Variants in PPM1E observed in about 807,000 individuals in gnomAD.
The protein encoded by PPM1E is protein phosphatase, Mg2+/Mn2+ dependent 1E, also known as protein phosphatase 1E.
A neutral mutation model predicts 65.9 loss-of-function variants in PPM1E; 20 were observed. The observed-to-expected ratio is 0.30, with a 90% confidence interval of 0.21 to 0.44. PPM1E has a LOEUF of 0.44. PPM1E is among the 20% of genes least tolerant of loss of function. The pLI, the probability that PPM1E is intolerant of heterozygous loss-of-function variation, is 1.00. For missense variants in PPM1E, 713 were observed against 953.1 expected, an observed-to-expected ratio of 0.75 and a Z score of 3.32; for synonymous variants, 352 against 374.9, an observed-to-expected ratio of 0.94 and a Z score of 0.70.
intron 1 of PPM1E, among the ~76,000 whole-genome samples, chr17:58,771,396 C>T (rs1229450100): frequency 1.3e-5 from 2 of 151,038 alleles, no homozygotes; most frequent in East Asian, 2.0e-4. Context: ...GAGGCCGAGG[C>T]GGGTGGATCA....
chr17:58,786,581 A>G (rs1276799958), intron 1 of PPM1E, among the ~76,000 whole-genome samples: 1 of 152,190 alleles, frequency 6.6e-6, no homozygotes, highest in Non-Finnish European at 1.5e-5. Context: ...GCAAGATTTC[A>G]TCGGGCTGCT....
chr17:58,775,737 A>AC (rs1397012496), intron 1 of PPM1E, among the ~76,000 whole-genome samples: 1 of 149,508 alleles, frequency 6.7e-6, no homozygotes, highest in African/African-American at 2.5e-5. Flanking sequence ...ACAAGGTGAA[A>AC]CCCCGTCTCT....
chr17:58,966,129 C>T, intron 3 of PPM1E: 1 of 533,412 alleles, frequency 1.9e-6, no homozygotes, highest in Non-Finnish European at 3.4e-6. Context: ...GTCTCTTATC[C>T]TTGCCTCCCA....
At chr17:58,927,536 G>C (rs1010864063) in intron 1 of PPM1E, among the ~76,000 whole-genome samples, 2 of 152,146 alleles carry the variant, frequency 1.3e-5, no homozygotes, top group Non-Finnish European at 2.9e-5. Flanking sequence ...TTCGGTTGCA[G>C]TTTCCTTTAC....
intron 1 of PPM1E, among the ~76,000 whole-genome samples, chr17:58,773,662 AG>A (rs1288744337): frequency 1.3e-5 from 2 of 152,176 alleles, no homozygotes; most frequent in East Asian, 3.8e-4. Context: ...TGTACATATG[AG>A]GCACTGAGTT....
intron 6 of PPM1E, among the ~76,000 whole-genome samples, chr17:58,976,362 A>AT (rs2030993698): frequency 6.6e-6 from 1 of 152,176 alleles, no homozygotes; most frequent in Non-Finnish European, 1.5e-5. Context: ...GAAGTAGGAA[A>AT]TTAGGCCATT....
chr17:58,766,470 G>T (rs2049879938), intron 1 of PPM1E, among the ~76,000 whole-genome samples: 1 of 151,958 alleles, frequency 6.6e-6, no homozygotes. Flanking sequence ...AAAGTGCTGG[G>T]ATTACAGGTG....
chr17:58,849,962 T>C (rs1218011721), intron 1 of PPM1E, among the ~76,000 whole-genome samples: 1 of 152,034 alleles, frequency 6.6e-6, no homozygotes, highest in Admixed American at 6.6e-5. Context: ...TCTGGGTGCT[T>C]CTGTATTGGG....
chr17:58,816,618 A>G (rs1041190996), intron 1 of PPM1E, among the ~76,000 whole-genome samples: 7 of 149,646 alleles, frequency 4.7e-5, no homozygotes, highest in Admixed American at 4.0e-4. Context: ...TGAATTGCCT[A>G]TTTTTGGTCT....
intron 1 of PPM1E, among the ~76,000 whole-genome samples, chr17:58,922,349 C>T (rs1274044845): frequency 6.6e-6 from 1 of 151,798 alleles, no homozygotes; most frequent in Non-Finnish European, 1.5e-5. Context: ...AACTCCTGGG[C>T]TCAAGGGATC....
chr17:58,840,636 GAAAA>G (rs900880857), intron 1 of PPM1E, among the ~76,000 whole-genome samples: 1 of 142,896 alleles, frequency 7.0e-6, no homozygotes. Context: ...AAGTGCTAAA[GAAAA>G]AAAAAAGATC....
intron 1 of PPM1E, among the ~76,000 whole-genome samples, chr17:58,778,925 TAC>T (rs1181871937): frequency 2.4e-5 from 2 of 84,446 alleles, no homozygotes; most frequent in Non-Finnish European, 4.3e-5. Context: ...AGATGATACA[TAC>T]ATATATATAT....
chr17:58,816,788 ATATATATTTTTTT>A (rs2050428320), intron 1 of PPM1E, among the ~76,000 whole-genome samples: 1 of 7,676 alleles, frequency 1.3e-4, no homozygotes, highest in Non-Finnish European at 2.3e-4. Context: ...ATATATATAT[ATATATATTTTTTT>A]TTTTTTTTTT....
intron 1 of PPM1E, among the ~76,000 whole-genome samples, chr17:58,950,552 C>T (rs1227553194): frequency 6.6e-6 from 1 of 152,062 alleles, no homozygotes; most frequent in Non-Finnish European, 1.5e-5. Context: ...CTGGAATGCC[C>T]ATAATGCAAT....
At chr17:58,847,924 G>C (rs1567852456) in intron 1 of PPM1E, among the ~76,000 whole-genome samples, 2 of 152,114 alleles carry the variant, frequency 1.3e-5, no homozygotes, top group Non-Finnish European at 2.9e-5. Context: ...TCTTCCATTT[G>C]TTTGTGTCCT....
intron 1 of PPM1E, among the ~76,000 whole-genome samples, chr17:58,902,188 G>A (rs1445514460): frequency 6.6e-6 from 1 of 152,054 alleles, no homozygotes; most frequent in Non-Finnish European, 1.5e-5. Flanking sequence ...CAGAGTTATA[G>A]AAGTAAGCTG....
At chr17:58,857,135 A>G (rs2050891780) in intron 1 of PPM1E, among the ~76,000 whole-genome samples, 1 of 152,166 alleles carries the variant, frequency 6.6e-6, no homozygotes, top group African/African-American at 2.4e-5. Context: ...TGTTATCCCT[A>G]AATACTTCAC....
At chr17:58,798,975 G>A (rs1374205777) in intron 1 of PPM1E, among the ~76,000 whole-genome samples, 3 of 152,242 alleles carry the variant, frequency 2.0e-5, no homozygotes, top group Middle Eastern at 3.4e-3. Context: ...GATTACAGGC[G>A]TGAACCACTG....
intron 1 of PPM1E, among the ~76,000 whole-genome samples, chr17:58,786,060 G>T (rs1410149275): frequency 6.7e-6 from 1 of 149,580 alleles, no homozygotes; most frequent in Non-Finnish European, 1.5e-5. Context: ...TGTCGCCCAG[G>T]CTGGAGTACA....
Sources: allele counts gnomAD v4.1 joint callset (sites outside exome capture counted in the v4.1 genomes callset), GRCh38; gene constraint gnomAD v4.1.1; transcripts MANE v1.5; gene names NCBI Gene and HGNC (gene_info 2026-07-23, HGNC 2026-07-21).